NCSTN: variants seen among roughly 807,000 people sequenced by gnomAD.
NCSTN encodes nicastrin, also known as anterior pharynx-defective 2.
In NCSTN, 22 loss-of-function variants were observed where a neutral mutation model predicts 87.0. That is an observed-to-expected ratio of 0.25 (90% CI 0.18 to 0.36). The LOEUF (loss-of-function observed/expected upper bound fraction) is 0.36, where lower values mean the gene tolerates loss of function less well. Among genes scored for constraint, NCSTN ranks in the 10% least tolerant of loss-of-function variants. The pLI is 1.00. For synonymous variants in NCSTN, 306 were observed against 327.1 expected, an observed-to-expected ratio of 0.94 and a Z score of 0.69; for missense variants, 693 against 883.3, an observed-to-expected ratio of 0.78 and a Z score of 2.73.
intron 2 of NCSTN, among the ~76,000 whole-genome samples, chr1:160,347,397 T>TTCCC (rs972891046): frequency 1.3e-5 from 2 of 152,218 alleles, no homozygotes; most frequent in East Asian, 1.9e-4. Context: ...TAGGTTTCTT[T>TTCCC]TCCCTCCCTC....
chr1:160,358,353 C>T lies in NCSTN; in HGVS notation c.*82C>T. 1 of 1,571,440 alleles carries T rather than the reference C, an allele frequency of 6.4e-7. No homozygotes were observed. Among genetic ancestry groups the T allele is most frequent in the Non-Finnish European group, 8.7e-7 (1 of 1,145,838 alleles). ...CACTGGGACACAACCACTAATTTGT[C>T]ACTGGAACCTCCCTGGGCCTGTCTC... On this transcript the variant is annotated 3_prime_UTR_variant, in exon 17 of 17. Coordinates refer to ENST00000294785, the MANE Select transcript of NCSTN (RefSeq NM_015331.3).
At position 160,358,243 on chromosome 1, in the gene NCSTN, C is replaced by T. The variant is rs1165785910; in HGVS notation, c.2102C>T (p.Pro701Leu). The change falls in exon 17 of 17, where the codon CCC becomes CTC. Residue 701 changes from proline to leucine, a missense_variant. Around this residue, in one of 4 missense-constraint regions of NCSTN, gnomAD observed 216 missense variants for 311.7 expected, o/e 0.69. Coordinates refer to ENST00000294785, the MANE Select transcript of NCSTN (RefSeq NM_015331.3). ...AAAGCTGATGTCCTTTTCATTGCTC[C>T]CCGGGAGCCAGGAGCTGTGTCATAC... ...NAKADVLFIA[P>L]REPGAVSY The T allele has an allele frequency of 6.2e-7, 1 of 1,614,142 alleles. No individual in the cohort carries two copies. Among genetic ancestry groups the T allele is most frequent in the Admixed American group, 1.7e-5 (1 of 60,028 alleles).
chr1:160,343,431 C>T lies in NCSTN; in HGVS notation c.35C>T (p.Pro12Leu), dbSNP rs773818422. 1 of 1,612,568 alleles carries T rather than the reference C, an allele frequency of 6.2e-7. No homozygotes were observed. The highest frequency in any genetic ancestry group is 1.1e-5 in the South Asian group (1 of 90,670). The change falls in exon 1 of 17, where the codon CCG becomes CTG. Residue 12 changes from proline to leucine, a missense_variant. By Grantham distance (98) the Pro-to-Leu change is moderately conservative. Around this residue, in one of 4 missense-constraint regions of NCSTN, gnomAD observed 235 missense variants for 233.9 expected, o/e 1.00. Coordinates refer to ENST00000294785, the MANE Select transcript of NCSTN (RefSeq NM_015331.3). ...ATAGGGSGAD[P>L]GSRGLLRLLS... ...GCAGGGGGTGGCTCTGGGGCTGACC[C>T]GGGAAGTCGGGGTCTCCTTCGCCTT... is the stretch of plus-strand genomic sequence containing the variant.
At chr1:160,344,977 T>A in intron 2 of NCSTN, 151 bp downstream of exon 2, 1 of 734,018 alleles carries the variant, frequency 1.4e-6, no homozygotes. Flanking sequence ...CTAGGCAAGA[T>A]AATTAATAAG....
chr1:160,344,629 G>C, intron 1 of NCSTN, 93 bp from the exon 2 acceptor site: 1 of 1,570,420 alleles, frequency 6.4e-7, no homozygotes. Context: ...GATATTAAAT[G>C]ATTTACCCAA....
rs1285710472 is a variant in NCSTN at position 160,343,454 on chromosome 1, C to G, written c.58C>G (p.Leu20Val). 1 of 1,611,534 alleles carries G rather than the reference C, an allele frequency of 6.2e-7. No homozygotes were observed. The highest frequency in any genetic ancestry group is 1.7e-5 in the Admixed American group (1 of 59,582). ...ADPGSRGLLRLLSFCVLLAGL... is the reference protein window; with the variant it reads ...ADPGSRGLLRVLSFCVLLAGL... ...CCCGGGAAGTCGGGGTCTCCTTCGC[C>G]TTCTGTCTTTCTGCGTCCTACTAGC... is the stretch of plus-strand genomic sequence containing the variant. The change falls in exon 1 of 17, where the codon CTT (leucine) becomes GTT (valine). Residue 20 changes from leucine to valine, a missense_variant. Coordinates refer to ENST00000294785, the MANE Select transcript of NCSTN (RefSeq NM_015331.3).
At position 160,349,077 on chromosome 1, in the gene NCSTN, C is replaced by T. The variant is rs1412758552; in HGVS notation, c.269C>T (p.Pro90Leu). ...EDLQWVLTDGPNPPYMVLLES... is the reference protein window; with the variant it reads ...EDLQWVLTDGLNPPYMVLLES... Reference sequence around the variant, plus strand: ...CTACAGTGGGTATTGACTGATGGCCCCAACCCCCCTTACATGGTTCTGCTG... The same window carrying T: ...CTACAGTGGGTATTGACTGATGGCCTCAACCCCCCTTACATGGTTCTGCTG... The change falls in exon 3 of 17, where the codon CCC (proline) becomes CTC (leucine). Residue 90 changes from proline to leucine, a missense_variant. This residue lies in a region of NCSTN where 235 missense variants were observed against 233.9 expected (regional missense o/e 1.00). Transcript: ENST00000294785. 2 of 1,613,986 alleles carry T rather than the reference C, an allele frequency of 1.2e-6. No individual in the cohort carries two copies. Among genetic ancestry groups the T allele is most frequent in the Admixed American group, 1.7e-5 (1 of 60,000 alleles).
chr1:160,357,896 T>C (rs144527170), intron 16 of NCSTN, among the ~76,000 whole-genome samples: 13 of 152,310 alleles, frequency 8.5e-5, no homozygotes, highest in African/African-American at 3.1e-4. Flanking sequence ...ACCAAAGCCA[T>C]GGGCCCTCCT....
At chr1:160,354,982 G>A (rs972280304) in intron 11 of NCSTN, among the ~76,000 whole-genome samples, 8 of 152,278 alleles carry the variant, frequency 5.3e-5, no homozygotes, top group Non-Finnish European at 8.8e-5. Context: ...GGGAGTGACC[G>A]TCCTAGCACT....
At chr1:160,349,401 C>A in intron 3 of NCSTN, 148 bp from the exon 4 acceptor site, 1 of 1,157,516 alleles carries the variant, frequency 8.6e-7, no homozygotes, top group Non-Finnish European at 1.3e-6. Flanking sequence ...AGATCATTGT[C>A]CAGACTCAGA....
At chr1:160,350,454 A>C (rs1401005399) in intron 5 of NCSTN, among the ~76,000 whole-genome samples, 2 of 35,028 alleles carry the variant, frequency 5.7e-5, no homozygotes, top group Middle Eastern at 0.021. Context: ...CCTGTGTCAC[A>C]AAAAAAAAAA....
intron 10 of NCSTN, among the ~76,000 whole-genome samples, 172 bp from the exon 11 acceptor site, chr1:160,353,946 C>T (rs1026114411): frequency 6.6e-6 from 1 of 152,098 alleles, no homozygotes; most frequent in African/African-American, 2.4e-5. Context: ...GTGGAAGCTA[C>T]AGGAAATTCA....
intron 2 of NCSTN, 186 bp downstream of exon 2, chr1:160,345,012 T>C: frequency 1.5e-6 from 1 of 656,982 alleles, no homozygotes; most frequent in East Asian, 2.7e-5. Context: ...AAATGCTGCA[T>C]ACCAAGCTTT....
At chr1:160,356,988 C>T (rs927817346) in intron 15 of NCSTN, 53 bp from the exon 16 acceptor site, 56 of 1,520,388 alleles carry the variant, frequency 3.7e-5, no homozygotes, top group African/African-American at 6.9e-5. Flanking sequence ...GTAGAGGGAA[C>T]GAGTGAGAAG....
chr1:160,355,388 G>A (rs563589123), intron 11 of NCSTN, among the ~76,000 whole-genome samples: 3 of 152,194 alleles, frequency 2.0e-5, no homozygotes, highest in Non-Finnish European at 4.4e-5. Context: ...ATGTAGAAGA[G>A]TCTCTCCTTT....
chr1:160,349,248 G>A, intron 3 of NCSTN, 126 bp downstream of exon 3: 1 of 1,316,268 alleles, frequency 7.6e-7, no homozygotes, highest in Non-Finnish European at 1.1e-6. Flanking sequence ...GGGCAGGGTG[G>A]TCCTCAGAAG....
rs1447078786 is a variant in NCSTN, at chr1:160,356,632, T to C, written c.1672T>C (p.Ser558Pro). The change falls in exon 15 of 17, where the codon TCC (serine) becomes CCC (proline). Residue 558 changes from serine (S) to proline (P), a missense_variant. Ser to Pro is a moderately conservative substitution (Grantham distance 74). Around this residue, in one of 4 missense-constraint regions of NCSTN, gnomAD observed 216 missense variants for 311.7 expected, o/e 0.69. Transcript: ENST00000294785. ...DGPLQHYIAV[S>P]SPTNTTYVVQ... is the part of the protein sequence containing the mutation. ...GCCTCTTCAACATTACATCGCTGTC[T>C]CCAGCCCCACCAACACCACTTATGT... is the stretch of plus-strand genomic sequence containing the variant. The C allele has an allele frequency of 6.2e-7, 1 of 1,614,202 alleles. No homozygotes were observed.
intron 3 of NCSTN, 35 bp downstream of exon 3, chr1:160,349,157 A>C: frequency 6.2e-7 from 1 of 1,613,094 alleles, no homozygotes. Context: ...GAAAACATCC[A>C]TAGAGGGAAA....
At position 160,350,133 on chromosome 1, in the gene NCSTN, G is replaced by T. The variant is rs750479163; in HGVS notation, c.465G>T (p.Glu155Asp). ...TTTACTCCAATTCCTATGGGCCAGA[G>T]TTTGCTCACTGCAGAGAAATACAGT... ...FGVYSNSYGP[E>D]FAHCREIQWN... Residue 155 changes from glutamate (E) to aspartate (D), a missense_variant, in exon 5 of 17, where the codon GAG becomes GAT. Physicochemically the swap from Glu to Asp is conservative, Grantham distance 45. This residue lies in a region of NCSTN where 235 missense variants were observed against 233.9 expected (regional missense o/e 1.00). Transcript: ENST00000294785. 3 of 1,614,084 alleles carry T rather than the reference G, an allele frequency of 1.9e-6. No homozygotes were observed. In the Admixed American group the frequency reaches 5.0e-5, roughly 27 times the overall value.
Sources: allele counts gnomAD v4.1 joint callset (sites outside exome capture counted in the v4.1 genomes callset), GRCh38; gene constraint gnomAD v4.1.1; regional missense constraint gnomAD v4.1.1; transcripts MANE v1.5; gene names NCBI Gene and HGNC (gene_info 2026-07-23, HGNC 2026-07-21).